RANBP17: variants seen among roughly 807,000 people sequenced by gnomAD.
The protein encoded by RANBP17 is ran-binding protein 17.
In RANBP17, 158 loss-of-function variants were observed where a neutral mutation model predicts 141.2. That is an observed-to-expected ratio of 1.12 (90% CI 0.98 to 1.28). RANBP17 has a LOEUF of 1.28. Among genes scored for constraint, RANBP17 ranks in the 50% most tolerant of loss-of-function variants. The pLI is 0.00. For synonymous variants in RANBP17, 430 were observed against 450.0 expected, an observed-to-expected ratio of 0.96 and a Z score of 0.56; for missense variants, 1,438 against 1,290.7, an observed-to-expected ratio of 1.11 and a Z score of -1.75.
At chr5:171,101,765 A>C (rs1462524119) in intron 14 of RANBP17, among the ~76,000 whole-genome samples, 1 of 152,176 alleles carries the variant, frequency 6.6e-6, no homozygotes, top group African/African-American at 2.4e-5. Context: ...TGTTTCCTTC[A>C]GGAGTTCTTG....
At chr5:170,974,814 A>G (rs576623019) in intron 14 of RANBP17, among the ~76,000 whole-genome samples, 4 of 152,282 alleles carry the variant, frequency 2.6e-5, no homozygotes, top group Non-Finnish European at 1.5e-5. Context: ...ACTTGGGCCT[A>G]TGGAACTGTA....
chr5:171,127,234 T>C (rs1186880134), intron 14 of RANBP17, among the ~76,000 whole-genome samples: 3 of 152,218 alleles, frequency 2.0e-5, no homozygotes, highest in Admixed American at 2.0e-4. Flanking sequence ...CATATGAACC[T>C]CTCAATAGAT....
chr5:171,023,961 T>A (rs1360265588), intron 14 of RANBP17, among the ~76,000 whole-genome samples: 1 of 152,170 alleles, frequency 6.6e-6, no homozygotes, highest in Non-Finnish European at 1.5e-5. Context: ...ATCAAGAGAG[T>A]AAATCTGGAC....
chr5:171,156,498 T>A (rs1758908435), intron 14 of RANBP17, among the ~76,000 whole-genome samples: 1 of 152,172 alleles, frequency 6.6e-6, no homozygotes. Context: ...TTATGTCATG[T>A]GAACATGTGT....
intron 4 of RANBP17, among the ~76,000 whole-genome samples, chr5:170,894,268 G>A (rs905614591): frequency 4.6e-5 from 7 of 151,916 alleles, no homozygotes; most frequent in Non-Finnish European, 7.4e-5. Context: ...GACAAGAGGC[G>A]ACCATGCAGT....
intron 25 of RANBP17, among the ~76,000 whole-genome samples, chr5:171,287,943 G>A (rs1180080877): frequency 6.6e-6 from 1 of 151,770 alleles, no homozygotes; most frequent in Non-Finnish European, 1.5e-5. Context: ...AGAACTTTAT[G>A]GAATTTTTTT....
chr5:171,274,190 C>G (rs1053926213), intron 25 of RANBP17, among the ~76,000 whole-genome samples: 4 of 149,560 alleles, frequency 2.7e-5, no homozygotes, highest in Non-Finnish European at 4.4e-5. Context: ...TACTGAGGAT[C>G]AAAATAAAAT....
chr5:171,049,660 G>C (rs1189673691), intron 14 of RANBP17, among the ~76,000 whole-genome samples: 1 of 152,170 alleles, frequency 6.6e-6, no homozygotes. Context: ...GTGAAGGCTA[G>C]GGGTCCAGTT....
At chr5:171,185,855 A>G (rs778501077) in intron 18 of RANBP17, among the ~76,000 whole-genome samples, 1 of 152,212 alleles carries the variant, frequency 6.6e-6, no homozygotes, top group Non-Finnish European at 1.5e-5. Flanking sequence ...AGTCCTTTCC[A>G]GAAGGTTTTC....
chr5:171,240,897 T>C (rs779873150), intron 22 of RANBP17, 31 bp from the exon 23 acceptor site: 1 of 1,433,148 alleles, frequency 7.0e-7, no homozygotes, highest in Admixed American at 1.7e-5. Context: ...GACATCTACT[T>C]ATGTCACTTT....
In RANBP17 at chr5:171,199,659, T is replaced by G; in HGVS notation, c.2039-11T>G. On this transcript the variant is annotated splice_polypyrimidine_tract_variant and intron_variant, in intron 18 of 27. Coordinates refer to ENST00000523189, the MANE Select transcript of RANBP17 (RefSeq NM_022897.5). Reference sequence around the variant, plus strand: ...TTTTAAACCGTAGTGACCCTTTTGTTTCTCTGATAGGTGAAGATGAGGATG... The same window carrying G: ...TTTTAAACCGTAGTGACCCTTTTGTGTCTCTGATAGGTGAAGATGAGGATG... 6.4e-7 allele frequency: 1 copy of G among 1,571,790 alleles called. No homozygotes were observed. The highest frequency in any genetic ancestry group is 8.7e-7 in the Non-Finnish European group (1 of 1,144,340).
At chr5:171,269,044 T>C (rs1041431426) in intron 25 of RANBP17, among the ~76,000 whole-genome samples, 3 of 152,190 alleles carry the variant, frequency 2.0e-5, no homozygotes, top group Non-Finnish European at 4.4e-5. Flanking sequence ...TGGAATACTT[T>C]CTATTTATTT....
chr5:171,278,663 A>G (rs1767676242), intron 25 of RANBP17, among the ~76,000 whole-genome samples: 1 of 152,222 alleles, frequency 6.6e-6, no homozygotes, highest in Admixed American at 6.5e-5. Context: ...ATCTCAAATG[A>G]GAGGCCAAGC....
chr5:170,894,486 T>TTATATATATATA lies in RANBP17; in HGVS notation c.424-1554_424-1543dup, dbSNP rs3080623. 9.0e-5 allele frequency among the ~76,000 whole-genome samples: 12 copies of TTATATATATATA among 133,304 alleles called. 1 individual carries two copies. The highest frequency in any genetic ancestry group is 1.2e-4 in the African/African-American group (4 of 34,176). The allele number at this position is 133,304 out of a possible 152,430, so 87.5% of individuals were successfully genotyped here. A position where few individuals can be genotyped will look rare whatever the true frequency, so the allele number is the denominator to read the frequency against. ...CCATAGAATAGTTAGTACGTGTTTT[T>TTATATATATATA]TATATATATATATATATATATGGCT... is the stretch of plus-strand genomic sequence containing the variant. On this transcript the variant is annotated intron_variant, in intron 4 of 27. Coordinates refer to ENST00000523189, the MANE Select transcript of RANBP17 (RefSeq NM_022897.5).
intron 14 of RANBP17, among the ~76,000 whole-genome samples, chr5:171,107,639 CTCT>C: frequency 6.6e-6 from 1 of 152,268 alleles, no homozygotes; most frequent in South Asian, 2.1e-4. Context: ...TGACTCTAGT[CTCT>C]TCTTAACTTT....
At chr5:171,256,104 C>T (rs2128009156) in intron 24 of RANBP17, among the ~76,000 whole-genome samples, 1 of 152,250 alleles carries the variant, frequency 6.6e-6, no homozygotes, top group Non-Finnish European at 1.5e-5. Flanking sequence ...ATTTTCATAA[C>T]ATAACTACTC....
At chr5:171,193,111 C>T (rs1761757299) in intron 18 of RANBP17, among the ~76,000 whole-genome samples, 2 of 152,156 alleles carry the variant, frequency 1.3e-5, no homozygotes, top group African/African-American at 2.4e-5. Context: ...ATTTTCTTCG[C>T]CCAGTGCCTA....
intron 14 of RANBP17, among the ~76,000 whole-genome samples, chr5:171,167,036 G>A (rs1208152637): frequency 6.6e-6 from 1 of 152,224 alleles, no homozygotes; most frequent in Non-Finnish European, 1.5e-5. Flanking sequence ...GCTAATGGAT[G>A]ATAAAAGGAA....
chr5:170,978,855 A>AT lies in RANBP17; in HGVS notation c.1710+10486dup, dbSNP rs1013214480. On this transcript the variant is annotated intron_variant, in intron 14 of 27. Coordinates refer to ENST00000523189, the MANE Select transcript of RANBP17 (RefSeq NM_022897.5). ...TGCACTTCATATTTTGCCTCAATTA[A>AT]TTTTTTTTACAAAAGATTCATGGAA... 1.1e-4 allele frequency among the ~76,000 whole-genome samples: 17 copies of AT among 152,120 alleles called. 1 individual carries two copies. Among genetic ancestry groups the AT allele is most frequent in the East Asian group, 1.9e-4 (1 of 5,180 alleles).
Sources: gnomAD v4.1 joint callset for allele counts (sites outside exome capture counted in the v4.1 genomes callset) on GRCh38, gnomAD v4.1.1 for gene constraint, MANE v1.5 for transcripts, NCBI Gene and HGNC (gene_info 2026-07-23, HGNC 2026-07-21) for gene names.